HOXC4: variants seen among roughly 807,000 people sequenced by gnomAD.
HOXC4 encodes homeobox protein Hox-C4.
Under a neutral mutation model 25.5 loss-of-function variants are expected in HOXC4, and 15 were observed. The observed-to-expected ratio is 0.59, with a 90% CI of 0.39 to 0.91. The LOEUF is 0.91. HOXC4 is among the 40% of genes least tolerant of loss of function. The pLI, the probability that HOXC4 is intolerant of heterozygous loss-of-function variation, is 0.00. For missense variants in HOXC4, 342 were observed against 352.4 expected, an observed-to-expected ratio of 0.97 and a Z score of 0.24; for synonymous variants, 165 against 148.0, an observed-to-expected ratio of 1.11 and a Z score of -0.83.
At chr12:54,027,742 C>T (rs1014237217) in intron 1 of HOXC4, among the ~76,000 whole-genome samples, 14 of 152,176 alleles carry the variant, frequency 9.2e-5, no homozygotes, top group African/African-American at 3.4e-4. Flanking sequence ...CAAAGGAGAG[C>T]AGATGCGTGG....
rs534114681 is a variant in HOXC4 at position 54,026,943 on chromosome 12, C to T, written c.-124+9529C>T. ...TCTTGTTATAGCCAGCTTTCCCCCC[C>T]CCCAACCCACCCAAAAATGGTGGGG... On this transcript the variant is annotated intron_variant, in intron 1 of 3. Transcript: ENST00000303406. Among the ~76,000 whole-genome samples, 6 of 140,402 alleles carry T rather than the reference C, an allele frequency of 4.3e-5. No individual in the cohort carries two copies. The South Asian group carries it at 6.7e-4, about 16-fold the overall frequency. 92.1% of individuals were successfully genotyped at this position (140,402 alleles called of 152,430 possible).
chr12:54,040,567 G>C (rs1455847142), intron 1 of HOXC4, among the ~76,000 whole-genome samples: 1 of 152,218 alleles, frequency 6.6e-6, no homozygotes, highest in Non-Finnish European at 1.5e-5. Context: ...AATGCACAAG[G>C]ATGTGAAGTT....
At chr12:54,040,566 G>C (rs1270541868) in intron 1 of HOXC4, among the ~76,000 whole-genome samples, 1 of 152,224 alleles carries the variant, frequency 6.6e-6, no homozygotes, top group Non-Finnish European at 1.5e-5. Context: ...AAATGCACAA[G>C]GATGTGAAGT....
chr12:54,025,529 G>A (rs574516435), intron 1 of HOXC4, among the ~76,000 whole-genome samples: 1 of 36,838 alleles, frequency 2.7e-5, no homozygotes, highest in African/African-American at 8.7e-5. Flanking sequence ...AAGGTAATTG[G>A]GGGGGGGGGA....
chr12:54,021,591 G>C (rs895635548), intron 1 of HOXC4: 1 of 152,222 alleles, frequency 6.6e-6, no homozygotes, highest in African/African-American at 2.4e-5. Flanking sequence ...CTAGGTGATC[G>C]GGTTCCTCCC....
chr12:54,031,571 C>G (rs1940988927), intron 1 of HOXC4, among the ~76,000 whole-genome samples: 1 of 152,190 alleles, frequency 6.6e-6, no homozygotes, highest in Non-Finnish European at 1.5e-5. Flanking sequence ...CTGGCCTTCT[C>G]TCTCCAAGCC....
intron 1 of HOXC4, among the ~76,000 whole-genome samples, chr12:54,045,742 A>T (rs1230807808): frequency 2.6e-5 from 4 of 152,158 alleles, no homozygotes; most frequent in Non-Finnish European, 5.9e-5. Flanking sequence ...ATATTAGGTG[A>T]GTGGGGGTAG....
In HOXC4 at chr12:54,055,118, G is replaced by C. The variant is rs1231307786; in HGVS notation, c.708G>C (p.Ser236=). The change falls in exon 2 of 2, where the codon TCG becomes TCC. Residue 236 remains serine (S), a synonymous_variant. Coordinates refer to ENST00000430889, the MANE Select transcript of HOXC4 (RefSeq NM_153633.3). Reference sequence around the variant, plus strand: ...CCGGCGCTGCGCCCAGCACCCTTTCGGCAGCTACCCCGGGTACTTCTGAAG... The same window carrying C: ...CCGGCGCTGCGCCCAGCACCCTTTCCGCAGCTACCCCGGGTACTTCTGAAG... ...PPAGAAPSTL[S]AATPGTSEDH... 2 of 1,613,066 alleles carry C rather than the reference G, an allele frequency of 1.2e-6. No homozygotes were observed. The highest frequency in any genetic ancestry group is 1.3e-5 in the African/African-American group (1 of 74,786).
intron 1 of HOXC4, among the ~76,000 whole-genome samples, chr12:54,027,945 T>C (rs1170777980): frequency 6.6e-6 from 1 of 152,214 alleles, no homozygotes; most frequent in Non-Finnish European, 1.5e-5. Context: ...AGTTTAGTGA[T>C]GGGACTCACT....
rs61736613 is a variant in HOXC4 at position 54,029,782 on chromosome 12, C to T, written c.-124+12368C>T. 4.0e-4 allele frequency: 646 copies of T among 1,614,088 alleles called. 2 individuals are homozygous for T. In the African/African-American group the frequency reaches 7.5e-3, roughly 19 times the overall value. ...GGCGCCGGCGCATCGAGATCGCCAACGCGCTTTGCCTGACCGAGCGACAGA... is the reference window on the plus strand; with the variant it reads ...GGCGCCGGCGCATCGAGATCGCCAATGCGCTTTGCCTGACCGAGCGACAGA... On this transcript the variant is annotated intron_variant, in intron 1 of 3. Transcript: ENST00000303406.
chr12:54,026,663 A>G (rs1025132343), intron 1 of HOXC4, among the ~76,000 whole-genome samples: 10 of 151,920 alleles, frequency 6.6e-5, no homozygotes, highest in Non-Finnish European at 1.5e-5. Context: ...TGGCAGGAAG[A>G]CTCTTCAACC....
chr12:54,037,250 C>G (rs1218567354), intron 1 of HOXC4, among the ~76,000 whole-genome samples: 3 of 152,240 alleles, frequency 2.0e-5, no homozygotes, highest in South Asian at 4.1e-4. Context: ...TCTCCCTGAA[C>G]AGGGGCTTCT....
chr12:54,027,942 T>C (rs1414014651), intron 1 of HOXC4, among the ~76,000 whole-genome samples: 1 of 152,166 alleles, frequency 6.6e-6, no homozygotes, highest in Non-Finnish European at 1.5e-5. Flanking sequence ...ACTAGTTTAG[T>C]GATGGGACTC....
chr12:54,032,742 G>A lies in HOXC4; in HGVS notation c.-124+15328G>A, dbSNP rs113080749. The A allele has an allele frequency of 3.0e-3, 496 of 162,926 alleles. 3 individuals carry two copies. The Middle Eastern group carries it at 0.037, about 12-fold the overall frequency. 10.1% of individuals were successfully genotyped at this position (162,926 alleles called of 1,614,324 possible). A position where few individuals can be genotyped will look rare whatever the true frequency, so the allele number is the denominator to read the frequency against. ...TCCAGGATGCAATTCCCCCACATAG[G>A]CACCAGGTGTCGCTGTGGGCTTGTT... is the stretch of plus-strand genomic sequence containing the variant. On this transcript the variant is annotated intron_variant, in intron 1 of 3. Transcript: ENST00000303406.
chr12:54,020,234 T>C (rs1246746820), intron 1 of HOXC4: 2 of 152,248 alleles, frequency 1.3e-5, no homozygotes, highest in African/African-American at 4.8e-5. Flanking sequence ...GCTCAAGGAC[T>C]CTGCACACCC....
intron 1 of HOXC4, among the ~76,000 whole-genome samples, chr12:54,044,274 C>CA (rs986546281): frequency 1.3e-5 from 2 of 152,110 alleles, no homozygotes; most frequent in African/African-American, 2.4e-5. Flanking sequence ...AGAAATATAA[C>CA]AGAGCATCTG....
At chr12:54,020,070 CCT>C (rs772267004) in intron 1 of HOXC4, 11 of 152,308 alleles carry the variant, frequency 7.2e-5, no homozygotes, top group Non-Finnish European at 1.5e-4. Context: ...TCTTTCTCTC[CCT>C]CTCTGGCATT....
intron 1 of HOXC4, among the ~76,000 whole-genome samples, chr12:54,026,049 T>C (rs1342270689): frequency 1.3e-5 from 2 of 152,190 alleles, no homozygotes; most frequent in African/African-American, 4.8e-5. Context: ...TTGTTGTACA[T>C]TGCAACAATT....
chr12:54,052,982 G>C (rs1282008544), upstream of HOXC4, among the ~76,000 whole-genome samples: 1 of 152,174 alleles, frequency 6.6e-6, no homozygotes, highest in Non-Finnish European at 1.5e-5. Context: ...CCTTGCCCCA[G>C]CTCCTTGGAG....
Sources: gnomAD v4.1 joint callset for allele counts (sites outside exome capture counted in the v4.1 genomes callset) on GRCh38, gnomAD v4.1.1 for gene constraint, MANE v1.5 for transcripts, NCBI Gene and HGNC (gene_info 2026-07-23, HGNC 2026-07-21) for gene names.